Variants in NDUFB8 observed in about 807,000 individuals in gnomAD.
NDUFB8 encodes the protein NADH dehydrogenase [ubiquinone] 1 beta subcomplex subunit 8, mitochondrial.
In NDUFB8, 17 loss-of-function variants were observed where a neutral mutation model predicts 26.0. The ratio of observed to expected loss-of-function variants is 0.65; its 90% CI spans 0.45 to 0.98. NDUFB8 has a LOEUF of 0.98. NDUFB8 is among the 50% of genes least tolerant of loss of function. NDUFB8 has a pLI of 0.00. For missense variants in NDUFB8, 238 were observed against 255.0 expected (o/e 0.93, Z 0.45); for synonymous variants, 89 against 93.1 (o/e 0.96, Z 0.25).
At chr10:100,527,557 C>T (rs771573078) in intron 2 of NDUFB8, among the ~76,000 whole-genome samples, 6 of 152,030 alleles carry the variant, frequency 3.9e-5, no homozygotes, top group Middle Eastern at 3.4e-3. Flanking sequence ...GTGCCCAGAT[C>T]GCACCATTGC....
rs1852009662 is a variant in NDUFB8 at position 100,524,383 on chromosome 10, A to G, written c.469-454T>C. On this transcript the variant is annotated intron_variant, in intron 4 of 4. Transcript: ENST00000299166. The surrounding 1 kb of genome is among the most constrained non-coding windows in gnomAD (Gnocchi z 4.0). ...AAGTGGCCCAGCAAATGAGGCGTGC[A>G]GCAGCAGTGGTGGGGGAAAGCACAG... Among the ~76,000 whole-genome samples, 3 of 152,198 alleles carry G rather than the reference A, an allele frequency of 2.0e-5. No homozygotes were observed. The highest frequency in any genetic ancestry group is 4.4e-5 in the Non-Finnish European group (3 of 68,032).
In NDUFB8 at chr10:100,524,150, G is replaced by A. The variant is rs1241371085; in HGVS notation, c.469-221C>T. 1 of 1,555,596 alleles carries A rather than the reference G, an allele frequency of 6.4e-7. No homozygotes were observed. The highest frequency in any genetic ancestry group is 8.7e-7 in the Non-Finnish European group (1 of 1,147,038). The stretch of plus-strand genomic sequence containing the variant: ...GAAGTGGTGCCTACACTGTGAGAGA[G>A]AAGGAGAAAGGGGGAGGGAAGGGGG... On this transcript the variant is annotated intron_variant, in intron 4 of 4. Coordinates refer to ENST00000299166, the MANE Select transcript of NDUFB8 (RefSeq NM_005004.4). The surrounding 1 kb of genome is among the most constrained non-coding windows in gnomAD (Gnocchi z 4.0).
intron 4 of NDUFB8, among the ~76,000 whole-genome samples, chr10:100,525,795 G>A (rs1376498993): frequency 6.7e-6 from 1 of 148,184 alleles, no homozygotes; most frequent in African/African-American, 2.5e-5. Context: ...CTCCTTGACA[G>A]TAACTCATAC....
At chr10:100,528,288 C>T (rs1047565539) in intron 2 of NDUFB8, among the ~76,000 whole-genome samples, 2 of 152,106 alleles carry the variant, frequency 1.3e-5, no homozygotes, top group Non-Finnish European at 2.9e-5. Flanking sequence ...CAGGCCATAC[C>T]ATCTAGGTTT....
intron 3 of NDUFB8, 80 bp from the exon 4 acceptor site, chr10:100,526,634 T>C: frequency 2.0e-6 from 3 of 1,535,850 alleles, no homozygotes; most frequent in Middle Eastern, 1.7e-4. Context: ...TAGAGCCTGA[T>C]ACAAGGCTAG....
intron 2 of NDUFB8, among the ~76,000 whole-genome samples, chr10:100,528,631 G>A (rs1852091751): frequency 6.6e-6 from 1 of 152,122 alleles, no homozygotes; most frequent in Non-Finnish European, 1.5e-5. Context: ...CACTGGCTTC[G>A]AACAAGGCTG....
intron 1 of NDUFB8, 61 bp downstream of exon 1, chr10:100,529,706 C>T: frequency 6.3e-7 from 1 of 1,578,600 alleles, no homozygotes; most frequent in East Asian, 2.3e-5. Flanking sequence ...ATCCCCCCTC[C>T]CGATACACCA....
Position 100,524,178 on chromosome 10 carries a change from A to C in NDUFB8, c.469-249T>G. The C allele has an allele frequency of 7.1e-7, 1 of 1,415,010 alleles. No homozygotes were observed. Among genetic ancestry groups the C allele is most frequent in the Non-Finnish European group, 9.8e-7 (1 of 1,021,248 alleles). 87.7% of individuals were successfully genotyped at this position (1,415,010 alleles called of 1,614,324 possible). On this transcript the variant is annotated intron_variant, in intron 4 of 4. Transcript: ENST00000299166. The surrounding 1 kb of genome is among the most constrained non-coding windows in gnomAD (Gnocchi z 4.0). ...GGAGAAAGGGGGAGGGAAGGGGGTT[A>C]GGGAAAGGAGGGGAAGGGAGGAAGA...
Position 100,523,817 on chromosome 10 carries a change from CA to C in NDUFB8, c.*19del. 1 of 1,608,870 alleles carries C rather than the reference CA, an allele frequency of 6.2e-7. No homozygotes were observed. The highest frequency in any genetic ancestry group is 8.5e-7 in the Non-Finnish European group (1 of 1,175,574). The stretch of plus-strand genomic sequence containing the variant: ...ATGAGGGAGTCCTAGTTAGAGGACC[CA>C]AAAGCCCACGAAGCCTCCTCAGATC... On this transcript the variant is annotated 3_prime_UTR_variant, in exon 5 of 5. Coordinates refer to ENST00000299166, the MANE Select transcript of NDUFB8 (RefSeq NM_005004.4).
intron 3 of NDUFB8, chr10:100,526,755 C>A: frequency 1.3e-6 from 1 of 748,144 alleles, no homozygotes; most frequent in Non-Finnish European, 2.2e-6. Flanking sequence ...ATAGGGACAG[C>A]TCCATCATGG....
chr10:100,529,233 C>G, intron 2 of NDUFB8, 147 bp downstream of exon 2: 1 of 195,462 alleles, frequency 5.1e-6, no homozygotes, highest in Non-Finnish European at 1.0e-5. Context: ...ACCCCCCTCC[C>G]ACCTCCCTCC....
Position 100,529,449 on chromosome 10 carries a change from C to T in NDUFB8, c.143G>A (p.Arg48Gln), listed in dbSNP as rs760276028. Residue 48 changes from arginine to glutamine, a missense_variant, in exon 2 of 5, where the codon CGG becomes CAG. Arg to Gln is a conservative substitution (Grantham distance 43). Transcript: ENST00000299166. Reference sequence around the variant, plus strand: ...ATTATACTTCTTGGCGGCGGCGGCCCGTTCTTCTGGGGTCCTAGGATAGGG... The same window carrying T: ...ATTATACTTCTTGGCGGCGGCGGCCTGTTCTTCTGGGGTCCTAGGATAGGG... ...PGPYPRTPEE[R>Q]AAAAKKYNMR... 3 of 1,612,724 alleles carry T rather than the reference C, an allele frequency of 1.9e-6. No homozygotes were observed. Among genetic ancestry groups the T allele is most frequent in the African/African-American group, 1.3e-5 (1 of 74,902 alleles).
chr10:100,529,557 C>A, intron 1 of NDUFB8, 51 bp from the exon 2 acceptor site: 1 of 1,600,914 alleles, frequency 6.2e-7, no homozygotes, highest in Non-Finnish European at 8.5e-7. Context: ...TCCAGCCGCT[C>A]CGAAGGCTTC....
chr10:100,529,702 C>T, intron 1 of NDUFB8, 65 bp downstream of exon 1: 2 of 1,573,678 alleles, frequency 1.3e-6, no homozygotes, highest in East Asian at 2.3e-5. Flanking sequence ...TACGATCCCC[C>T]CTCCCGATAC....
rs56705301 is a variant in NDUFB8 at position 100,525,615 on chromosome 10, CGTGTGTGTGTGTGTGTGTGTGTGTGT to C, written c.468+758_468+783del. Among the ~76,000 whole-genome samples the C allele has an allele frequency of 9.8e-3, 985 of 100,164 alleles. 27 individuals are homozygous for C. Among genetic ancestry groups the C allele is most frequent in the African/African-American group, 0.035 (928 of 26,250 alleles). The allele number at this position is 100,164 out of a possible 152,430, so 65.7% of individuals were successfully genotyped here. On this transcript the variant is annotated intron_variant, in intron 4 of 4. Transcript: ENST00000299166. ...TTCTCCAACTTCCCACCACCCAAAGCGTGTGTGTGTGTGTGTGTGTGTGTGTGTGTGTGTGTGTGTGTGTGTGTTAG... is the reference window on the plus strand; with the variant it reads ...TTCTCCAACTTCCCACCACCCAAAGCGTGTGTGTGTGTGTGTGTGTGTTAG...
intron 4 of NDUFB8, among the ~76,000 whole-genome samples, chr10:100,525,717 CGTGTGT>C (rs71013460): frequency 0.071 from 3,253 of 45,944 alleles, 523 homozygotes; most frequent in Non-Finnish European, 0.081. Context: ...TAAGCACATA[CGTGTGT>C]GTGTGTGTGT....
At position 100,524,204 on chromosome 10, in the gene NDUFB8, C is replaced by T. The variant is rs1589745574; in HGVS notation, c.469-275G>A. 7.2e-7 allele frequency: 1 copy of T among 1,381,348 alleles called. No homozygotes were observed. The highest frequency in any genetic ancestry group is 1.0e-6 in the Non-Finnish European group (1 of 992,966). The allele number at this position is 1,381,348 out of a possible 1,614,324, so 85.6% of individuals were successfully genotyped here. On this transcript the variant is annotated intron_variant, in intron 4 of 4. Coordinates refer to ENST00000299166, the MANE Select transcript of NDUFB8 (RefSeq NM_005004.4). This position sits in a 1 kb window ranked among gnomAD's most constrained non-coding sequence, Gnocchi z 4.0. ...GGGAAAGGAGGGGAAGGGAGGAAGA[C>T]AGGGAGGGAGGTAAAGAAAGAGAGA...
chr10:100,526,692 G>C (rs1243551319), intron 3 of NDUFB8, 138 bp from the exon 4 acceptor site: 1 of 1,031,232 alleles, frequency 9.7e-7, no homozygotes, highest in African/African-American at 1.6e-5. Context: ...AACCAGGTCT[G>C]AGGCACACTG....
chr10:100,529,616 T>C lies in NDUFB8; in HGVS notation c.86-110A>G. ...CGAGCCCGGGACTTCGCAGGATCAGTGCGATCCTCCACCCCATTTTCTGGA... is the reference window on the plus strand; with the variant it reads ...CGAGCCCGGGACTTCGCAGGATCAGCGCGATCCTCCACCCCATTTTCTGGA... On this transcript the variant is annotated intron_variant, in intron 1 of 4. Transcript: ENST00000299166. The C allele has an allele frequency of 1.9e-6, 3 of 1,560,822 alleles. No individual in the cohort carries two copies. The South Asian group carries it at 3.4e-5, about 18-fold the overall frequency.
Sources: gnomAD v4.1 joint callset for allele counts (sites outside exome capture counted in the v4.1 genomes callset) on GRCh38, gnomAD v4.1.1 for gene constraint, Gnocchi (gnomAD v3.1) non-coding constraint, MANE v1.5 for transcripts, NCBI Gene and HGNC (gene_info 2026-07-23, HGNC 2026-07-21) for gene names.